The following HBS1L variants were observed in gnomAD, a reference collection of about 807,000 sequenced individuals.
HBS1L encodes HBS1 like translational GTPase, also known as HBS1-like protein.
Under a neutral mutation model 88.9 loss-of-function variants are expected in HBS1L, and 55 were observed. That is an observed-to-expected ratio of 0.62 (90% CI 0.50 to 0.77). The LOEUF is 0.77. Among genes scored for constraint, HBS1L ranks in the 30% least tolerant of loss-of-function variants. The pLI, the probability that HBS1L is intolerant of heterozygous loss-of-function variation, is 0.00. For missense variants in HBS1L, 741 were observed against 829.3 expected (o/e 0.89, Z 1.31); for synonymous variants, 267 against 288.5 (o/e 0.93, Z 0.76).
At position 134,993,823 on chromosome 6, in the gene HBS1L, T is replaced by A. The variant is rs936892072; in HGVS notation, c.1018A>T (p.Ile340Phe). The change falls in exon 8 of 18, where the codon ATT becomes TTT. Residue 340 changes from isoleucine to phenylalanine, a missense_variant. Physicochemically the swap from Ile to Phe is conservative, Grantham distance 21. Coordinates refer to ENST00000367837, the MANE Select transcript of HBS1L (RefSeq NM_006620.4). ...MTKFETTTKV[I>F]TLMDAPGHKD... ...TGGCCTGGAGCATCCATTAATGTAA[T>A]AACTTTGGTTGTGGTTTCAAACTTT... 3 of 1,607,408 alleles carry A rather than the reference T, an allele frequency of 1.9e-6. No homozygotes were observed. In the African/African-American group the frequency reaches 4.0e-5, roughly 21 times the overall value.
At chr6:135,036,614 C>T in intron 4 of HBS1L, 1 of 1,541,928 alleles carries the variant, frequency 6.5e-7, no homozygotes, top group East Asian at 2.4e-5. Context: ...TCAGGTGATG[C>T]TGATTTGAAG....
intron 8 of HBS1L, among the ~76,000 whole-genome samples, chr6:134,988,605 C>T (rs187968133): frequency 6.6e-6 from 1 of 152,250 alleles, no homozygotes; most frequent in African/African-American, 2.4e-5. Flanking sequence ...AACACATTGA[C>T]ATATTCCCTC....
In HBS1L at chr6:135,054,796, T is replaced by C; in HGVS notation, c.-105A>G. ...CAGCCTGGAGAACCCCTATGCGCCATCTTGGCTTCCCGCAGGCCTCTGCGC... is the reference window on the plus strand; with the variant it reads ...CAGCCTGGAGAACCCCTATGCGCCACCTTGGCTTCCCGCAGGCCTCTGCGC... On this transcript the variant is annotated 5_prime_UTR_variant, in exon 1 of 18. An upstream start codon of the reference 5' UTR is lost. Coordinates refer to ENST00000367837, the MANE Select transcript of HBS1L (RefSeq NM_006620.4). The C allele has an allele frequency of 2.1e-6, 3 of 1,401,310 alleles. No homozygotes were observed. Among genetic ancestry groups the C allele is most frequent in the South Asian group, 1.2e-5 (1 of 82,582 alleles). The allele number at this position is 1,401,310 out of a possible 1,614,324, so 86.8% of individuals were successfully genotyped here. A position where few individuals can be genotyped will look rare whatever the true frequency, so the allele number is the denominator to read the frequency against.
At chr6:135,053,015 C>G (rs991079090) in intron 1 of HBS1L, among the ~76,000 whole-genome samples, 2 of 152,126 alleles carry the variant, frequency 1.3e-5, no homozygotes, top group African/African-American at 4.8e-5. Flanking sequence ...ATGAGTACAA[C>G]TTTTATAAAC....
At chr6:135,007,318 T>C (rs1490277665) in intron 4 of HBS1L, among the ~76,000 whole-genome samples, 3 of 152,174 alleles carry the variant, frequency 2.0e-5, no homozygotes, top group African/African-American at 2.4e-5. Context: ...TCTTAAATCT[T>C]TATTTTCAGT....
chr6:134,985,651 T>A (rs1332853468), intron 11 of HBS1L, among the ~76,000 whole-genome samples: 1 of 152,080 alleles, frequency 6.6e-6, no homozygotes, highest in African/African-American at 2.4e-5. Context: ...AAATGCTCAT[T>A]GGAGCATTTT....
intron 15 of HBS1L, among the ~76,000 whole-genome samples, chr6:134,975,040 A>C (rs1485084642): frequency 6.6e-6 from 1 of 152,204 alleles, no homozygotes; most frequent in Non-Finnish European, 1.5e-5. Flanking sequence ...CAACACCTAG[A>C]TTTGATAAAT....
intron 4 of HBS1L, among the ~76,000 whole-genome samples, chr6:135,020,267 G>T (rs966655592): frequency 6.6e-6 from 1 of 151,592 alleles, no homozygotes; most frequent in Non-Finnish European, 1.5e-5. Flanking sequence ...GGTAATAAAA[G>T]AACACTATTT....
intron 4 of HBS1L, chr6:135,037,101 C>A: frequency 6.4e-7 from 1 of 1,551,578 alleles, no homozygotes; most frequent in Non-Finnish European, 8.7e-7. Context: ...CAGAAAGTGA[C>A]AAATTCTCAA....
chr6:135,050,589 C>G lies in HBS1L; in HGVS notation c.102G>C (p.Pro34=), dbSNP rs35916433. Residue 34 remains proline, a synonymous_variant, in exon 2 of 18, where the codon CCG becomes CCC. Transcript: ENST00000367837. ...QSVEDDYCIS[P]STAAQFIYSR... ...TTATTTTTAAAAATTCACCTGTTGA[C>G]GGCGAAATACAATAATCATCCTCTA... The G allele has an allele frequency of 8.0e-3, 12,740 of 1,586,884 alleles. 819 individuals carry two copies. The African/African-American group carries it at 0.14, about 18-fold the overall frequency.
intron 2 of HBS1L, among the ~76,000 whole-genome samples, chr6:135,045,626 A>G (rs1776889434): frequency 6.6e-6 from 1 of 152,180 alleles, no homozygotes; most frequent in Non-Finnish European, 1.5e-5. Context: ...ACCTGAGGTC[A>G]GGAGTTCAAG....
Position 135,036,014 on chromosome 6 carries a change from A to C in HBS1L, c.430+3559T>G, listed in dbSNP as rs575028951. On this transcript the variant is annotated intron_variant, in intron 4 of 17. Coordinates refer to ENST00000367837, the MANE Select transcript of HBS1L (RefSeq NM_006620.4). The stretch of plus-strand genomic sequence containing the variant: ...ATTATTATCAAAAATGTATTTCAAC[A>C]ATCTCCACAGTACTCTCAAAAGTCA... 9 of 673,668 alleles carry C rather than the reference A, an allele frequency of 1.3e-5. No individual in the cohort carries two copies. The East Asian group carries it at 9.4e-4, about 71-fold the overall frequency. 41.7% of individuals were successfully genotyped at this position (673,668 alleles called of 1,614,324 possible). A position where few individuals can be genotyped will look rare whatever the true frequency, so the allele number is the denominator to read the frequency against.
intron 4 of HBS1L, among the ~76,000 whole-genome samples, chr6:135,020,089 G>A (rs1466196087): frequency 6.6e-6 from 1 of 150,408 alleles, no homozygotes; most frequent in African/African-American, 2.4e-5. Flanking sequence ...TGTTGAAATG[G>A]CTAAATGGAG....
chr6:134,966,253 T>A, intron 17 of HBS1L, 76 bp downstream of exon 17: 1 of 1,318,656 alleles, frequency 7.6e-7, no homozygotes, highest in Non-Finnish European at 1.0e-6. Context: ...CAATGCTTTC[T>A]TTTCATTCCT....
In HBS1L at chr6:135,054,654, T is replaced by G; in HGVS notation, c.38A>C (p.Asp13Ala). 1.2e-6 allele frequency: 2 copies of G among 1,614,220 alleles called. No homozygotes were observed. Among genetic ancestry groups the G allele is most frequent in the Non-Finnish European group, 1.7e-6 (2 of 1,180,026 alleles). ...RHRNVRGYNY[D>A]EDFEDDDLYG... is the part of the protein sequence containing the mutation. ...GGCATGACCCTGCCACCTACCTTCA[T>G]CGTAGTTATAGCCTCGAACATTCCG... Residue 13 changes from aspartate to alanine, a missense_variant, in exon 1 of 18, where the codon GAT (aspartate) becomes GCT (alanine). This residue lies in a region of HBS1L where 556 missense variants were observed against 598.4 expected (regional missense o/e 0.93). Coordinates refer to ENST00000367837, the MANE Select transcript of HBS1L (RefSeq NM_006620.4).
intron 4 of HBS1L, among the ~76,000 whole-genome samples, chr6:135,005,407 G>A (rs1221958109): frequency 6.6e-6 from 1 of 152,234 alleles, no homozygotes; most frequent in African/African-American, 2.4e-5. Context: ...AAACGGCAAT[G>A]TGTCGATTAC....
At chr6:134,996,688 CAT>C (rs756742934) in intron 7 of HBS1L, 87 bp downstream of exon 7, 153 of 931,920 alleles carry the variant, frequency 1.6e-4, no homozygotes, top group Middle Eastern at 2.3e-4. Flanking sequence ...TAAAGTATTT[CAT>C]ATGTTTTACA....
In HBS1L at chr6:134,996,766, A is replaced by G. The variant is rs761287505; in HGVS notation, c.965+11T>C. 7.6e-6 allele frequency: 12 copies of G among 1,569,940 alleles called. No homozygotes were observed. The highest frequency in any genetic ancestry group is 1.0e-5 in the Non-Finnish European group (12 of 1,162,376). The stretch of plus-strand genomic sequence containing the variant: ...GATTTCAAACTGAAAATTTTGAAAT[A>G]TAGTGACTACCTTTCCCTTTCTTCG... On this transcript the variant is annotated intron_variant, in intron 7 of 17. Coordinates refer to ENST00000367837, the MANE Select transcript of HBS1L (RefSeq NM_006620.4).
chr6:135,003,034 C>A lies in HBS1L; in HGVS notation c.431-192G>T, dbSNP rs191718357. Among the ~76,000 whole-genome samples, 70 of 152,194 alleles carry A rather than the reference C, an allele frequency of 4.6e-4. No homozygotes were observed. In the Middle Eastern group the frequency reaches 0.01, roughly 22 times the overall value. Reference sequence around the variant, plus strand: ...ATTCTGTCACTTTAATCTAGGAAATCCCCTATTGTCAGGACTCTCCTATGC... The same window carrying A: ...ATTCTGTCACTTTAATCTAGGAAATACCCTATTGTCAGGACTCTCCTATGC... On this transcript the variant is annotated intron_variant, in intron 4 of 17. Transcript: ENST00000367837.
Sources: allele counts gnomAD v4.1 joint callset (sites outside exome capture counted in the v4.1 genomes callset), GRCh38; gene constraint gnomAD v4.1.1; regional missense constraint gnomAD v4.1.1; transcripts MANE v1.5; gene names NCBI Gene and HGNC (gene_info 2026-07-23, HGNC 2026-07-21).